The following KIAA1217 variants were observed in gnomAD, a reference collection of about 807,000 sequenced individuals.
The protein encoded by KIAA1217 is KIAA1217, also known as sickle tail protein homolog.
In KIAA1217, 88 loss-of-function variants were observed where a neutral mutation model predicts 163.9. That is an observed-to-expected ratio of 0.54 (90% CI 0.45 to 0.64). KIAA1217 has a LOEUF of 0.64. KIAA1217 is among the 30% of genes least tolerant of loss of function. The pLI, the probability that KIAA1217 is intolerant of heterozygous loss-of-function variation, is 0.00. For synonymous variants in KIAA1217, 903 were observed against 923.1 expected (o/e 0.98, Z 0.39); for missense variants, 2,372 against 2,475.0 (o/e 0.96, Z 0.88).
At chr10:24,169,086 C>T (rs1038561769) in intron 2 of KIAA1217, among the ~76,000 whole-genome samples, 1 of 152,230 alleles carries the variant, frequency 6.6e-6, no homozygotes, top group Non-Finnish European at 1.5e-5. Context: ...CCTTCAGAAA[C>T]ATGAGATACA....
intron 2 of KIAA1217, among the ~76,000 whole-genome samples, chr10:24,046,830 G>T (rs918628384): frequency 1.3e-5 from 2 of 152,170 alleles, no homozygotes; most frequent in Non-Finnish European, 2.9e-5. Context: ...AATTCCAGTG[G>T]TTTTGAGCCT....
intron 1 of KIAA1217, among the ~76,000 whole-genome samples, chr10:23,848,051 T>C (rs1839127894): frequency 6.6e-6 from 1 of 152,170 alleles, no homozygotes; most frequent in Non-Finnish European, 1.5e-5. Flanking sequence ...TAATCCTGAG[T>C]TCTAATTTGA....
chr10:24,185,669 C>A (rs375594424), intron 2 of KIAA1217, among the ~76,000 whole-genome samples: 1 of 152,214 alleles, frequency 6.6e-6, no homozygotes, highest in African/African-American at 2.4e-5. Flanking sequence ...GTGGCTTACA[C>A]CCCTAATTGC....
chr10:24,012,098 T>C (rs1847259042), intron 2 of KIAA1217, among the ~76,000 whole-genome samples: 1 of 152,172 alleles, frequency 6.6e-6, no homozygotes, highest in Admixed American at 6.5e-5. Context: ...CATTTTACGA[T>C]CTAAAGCAGA....
At chr10:24,219,031 T>C (rs1361416603) in intron 1 of KIAA1217, among the ~76,000 whole-genome samples, 1 of 152,188 alleles carries the variant, frequency 6.6e-6, no homozygotes, top group Non-Finnish European at 1.5e-5. Flanking sequence ...AGTTAACTCT[T>C]TCTATAATTA....
At chr10:23,787,065 CT>C (rs57055876) in intron 1 of KIAA1217, among the ~76,000 whole-genome samples, 1 of 152,046 alleles carries the variant, frequency 6.6e-6, no homozygotes, top group Non-Finnish European at 1.5e-5. Flanking sequence ...ATCTTTGAGT[CT>C]TTTTTGCATT....
At chr10:23,918,990 C>A (rs1270383627) in intron 1 of KIAA1217, among the ~76,000 whole-genome samples, 2 of 152,070 alleles carry the variant, frequency 1.3e-5, no homozygotes, top group East Asian at 3.9e-4. Flanking sequence ...AGAACACAGG[C>A]TATATCAGGG....
chr10:24,402,954 G>A (rs2056758441), intron 3 of KIAA1217, among the ~76,000 whole-genome samples: 1 of 152,036 alleles, frequency 6.6e-6, no homozygotes, highest in South Asian at 2.1e-4. Context: ...AAGTGAAAAA[G>A]CAATTCAATG....
chr10:24,126,751 T>G (rs962348981), intron 2 of KIAA1217, among the ~76,000 whole-genome samples: 6 of 152,034 alleles, frequency 3.9e-5, no homozygotes, highest in African/African-American at 1.4e-4. Flanking sequence ...TTCCCTTCAC[T>G]TGGCATCTAG....
At chr10:24,170,898 AC>A (rs1449319725) in intron 2 of KIAA1217, among the ~76,000 whole-genome samples, 2 of 152,200 alleles carry the variant, frequency 1.3e-5, no homozygotes, top group African/African-American at 4.8e-5. Flanking sequence ...GCTGTGACAT[AC>A]CCTTGAACGC....
At position 24,473,765 on chromosome 10, in the gene KIAA1217, C is replaced by T; in HGVS notation, c.1384C>T (p.His462Tyr). Residue 462 changes from histidine (H) to tyrosine (Y), a missense_variant, in exon 6 of 21, where the codon CAT (histidine) becomes TAT (tyrosine). This residue lies in a region of KIAA1217 where 1,431 missense variants were observed against 1,470.3 expected (regional missense o/e 0.97). Transcript: ENST00000376454. ...RQKSRKYPDS[H>Y]LPTLGSKTPP... is the part of the protein sequence containing the mutation. ...GAAATCAAGGAAATATCCGGATAGC[C>T]ATTTGCCTACACTGGGCTCCAAAAC... 1 of 1,614,070 alleles carries T rather than the reference C, an allele frequency of 6.2e-7. No homozygotes were observed. The highest frequency in any genetic ancestry group is 8.5e-7 in the Non-Finnish European group (1 of 1,180,014).
At chr10:24,492,126 C>T (rs2066232883) in intron 6 of KIAA1217, among the ~76,000 whole-genome samples, 1 of 152,212 alleles carries the variant, frequency 6.6e-6, no homozygotes, top group Non-Finnish European at 1.5e-5. Context: ...GCTGAGCATT[C>T]TTCCGAGGAA....
At chr10:24,185,998 G>A (rs940704006) in intron 2 of KIAA1217, among the ~76,000 whole-genome samples, 1 of 151,848 alleles carries the variant, frequency 6.6e-6, no homozygotes, top group Non-Finnish European at 1.5e-5. Context: ...GAAAAATGAG[G>A]AAAATCAACA....
intron 2 of KIAA1217, among the ~76,000 whole-genome samples, chr10:24,276,268 A>G (rs1427466954): frequency 6.6e-6 from 1 of 152,212 alleles, no homozygotes; most frequent in East Asian, 1.9e-4. Context: ...GCAGAAACAC[A>G]AAGGGATTTA....
At chr10:24,503,307 A>G (rs933830022) in intron 9 of KIAA1217, among the ~76,000 whole-genome samples, 1 of 152,226 alleles carries the variant, frequency 6.6e-6, no homozygotes, top group African/African-American at 2.4e-5. Flanking sequence ...AACATCCCAG[A>G]TACCTTGAAC....
Position 24,101,277 on chromosome 10 carries a change from G to A in KIAA1217, c.-171+93903G>A, listed in dbSNP as rs1266003466. On this transcript the variant is annotated intron_variant, in intron 2 of 18. Coordinates refer to the KIAA1217 transcript ENST00000376462. Reference sequence around the variant, plus strand: ...AGAAGATCATTAGCAGTGGCCACACGGTATTGGCACAAGTTTCATTTTTTT... The same window carrying A: ...AGAAGATCATTAGCAGTGGCCACACAGTATTGGCACAAGTTTCATTTTTTT... Among the ~76,000 whole-genome samples the A allele has an allele frequency of 5.9e-5, 9 of 152,204 alleles. No individual in the cohort carries two copies. In the East Asian group the frequency reaches 7.7e-4, roughly 13 times the overall value.
At chr10:24,137,499 A>G (rs2063879945) in intron 2 of KIAA1217, among the ~76,000 whole-genome samples, 1 of 152,244 alleles carries the variant, frequency 6.6e-6, no homozygotes, top group African/African-American at 2.4e-5. Flanking sequence ...CAAAACTGCT[A>G]TTCTTGAGAT....
intron 2 of KIAA1217, among the ~76,000 whole-genome samples, chr10:24,076,144 G>A (rs2061361774): frequency 6.6e-6 from 1 of 152,110 alleles, no homozygotes; most frequent in South Asian, 2.1e-4. Flanking sequence ...GGCAGATATT[G>A]GGCTGCCTTC....
At chr10:23,835,712 C>A (rs1172624045) in intron 1 of KIAA1217, among the ~76,000 whole-genome samples, 1 of 152,092 alleles carries the variant, frequency 6.6e-6, no homozygotes, top group Non-Finnish European at 1.5e-5. Flanking sequence ...ATCTTCTAGC[C>A]TCACCTGGGT....
Sources: allele counts gnomAD v4.1 joint callset (sites outside exome capture counted in the v4.1 genomes callset), GRCh38; gene constraint gnomAD v4.1.1; regional missense constraint gnomAD v4.1.1; transcripts MANE v1.5; gene names NCBI Gene and HGNC (gene_info 2026-07-23, HGNC 2026-07-21).